The following SNTB1 variants were observed in gnomAD, a reference collection of about 807,000 sequenced individuals.
SNTB1 encodes the protein beta-1-syntrophin.
In SNTB1, 36 loss-of-function variants were observed where a neutral mutation model predicts 48.9. That is an observed-to-expected ratio of 0.74 (90% CI 0.56 to 0.97). The LOEUF (loss-of-function observed/expected upper bound fraction) is 0.97, where lower values mean the gene tolerates loss of function less well. Among genes scored for constraint, SNTB1 ranks in the 50% least tolerant of loss-of-function variants. SNTB1 has a pLI of 0.00. For missense variants in SNTB1, 786 were observed against 703.4 expected (o/e 1.12, Z -1.33); for synonymous variants, 299 against 294.6 (o/e 1.01, Z -0.15).
At chr8:120,794,758 G>C (rs186244318) in intron 1 of SNTB1, among the ~76,000 whole-genome samples, 443 of 151,992 alleles carry the variant, frequency 2.9e-3, no homozygotes, top group Non-Finnish European at 5.2e-3. Context: ...CTAAGCTCTG[G>C]TTCCTCTAAA....
At chr8:120,710,967 C>A (rs1396536531) in intron 1 of SNTB1, among the ~76,000 whole-genome samples, 1 of 152,116 alleles carries the variant, frequency 6.6e-6, no homozygotes, top group Non-Finnish European at 1.5e-5. Flanking sequence ...TCAAAACAAT[C>A]ACCAGAAAAT....
At chr8:120,669,443 G>GTTTTT (rs1182227923) in intron 2 of SNTB1, among the ~76,000 whole-genome samples, 7 of 82,284 alleles carry the variant, frequency 8.5e-5, no homozygotes, top group African/African-American at 4.1e-4. Context: ...GAAAATGCTT[G>GTTTTT]TTTTTTTTTT....
chr8:120,577,970 A>G (rs1291423863), intron 3 of SNTB1, among the ~76,000 whole-genome samples: 1 of 152,228 alleles, frequency 6.6e-6, no homozygotes, highest in Non-Finnish European at 1.5e-5. Flanking sequence ...TTAGAGGTAG[A>G]AGGCTGCCTA....
At chr8:120,579,210 A>G (rs1816003047) in intron 3 of SNTB1, among the ~76,000 whole-genome samples, 1 of 151,022 alleles carries the variant, frequency 6.6e-6, no homozygotes. Context: ...ACAAACAAAC[A>G]AACAAAGAGC....
intron 1 of SNTB1, among the ~76,000 whole-genome samples, chr8:120,745,344 C>CT (rs898671743): frequency 6.6e-6 from 1 of 152,066 alleles, no homozygotes; most frequent in Non-Finnish European, 1.5e-5. Flanking sequence ...TGGGTCACAC[C>CT]TCTACTCCAG....
chr8:120,725,778 T>C (rs1307951693), intron 1 of SNTB1, among the ~76,000 whole-genome samples: 1 of 152,202 alleles, frequency 6.6e-6, no homozygotes, highest in African/African-American at 2.4e-5. Context: ...ACTTTTAAGA[T>C]ACTGTCTAAT....
chr8:120,805,851 A>C (rs1331325614), intron 1 of SNTB1, among the ~76,000 whole-genome samples: 1 of 152,230 alleles, frequency 6.6e-6, no homozygotes, highest in Non-Finnish European at 1.5e-5. Context: ...AGGGCCATTT[A>C]TGAGCATTAA....
In SNTB1 at chr8:120,791,239, T is replaced by G. The variant is rs141975339; in HGVS notation, c.571+20034A>C. Reference sequence around the variant, plus strand: ...AATAAATGTTGATAGGAAAATTGAATGGCCACATGTAGAAGAATGAATCCG... The same window carrying G: ...AATAAATGTTGATAGGAAAATTGAAGGGCCACATGTAGAAGAATGAATCCG... On this transcript the variant is annotated intron_variant, in intron 1 of 6. Transcript: ENST00000517992. 8.6e-3 allele frequency among the ~76,000 whole-genome samples: 1,314 copies of G among 151,918 alleles called. 8 individuals are homozygous for G. The highest frequency in any genetic ancestry group is 0.061 in the Middle Eastern group (18 of 294).
rs186481158 is a variant in SNTB1 at position 120,653,582 on chromosome 8, T to C, written c.789-20931A>G. On this transcript the variant is annotated intron_variant, in intron 2 of 6. Transcript: ENST00000517992. ...CTTTGTTATGCCAATCCTAGAAAAC[T>C]ATTACACAAATACATCATGTAACTA... Among the ~76,000 whole-genome samples the C allele has an allele frequency of 2.2e-3, 342 of 152,280 alleles. 2 individuals carry two copies. Among genetic ancestry groups the C allele is most frequent in the African/African-American group, 8.0e-3 (332 of 41,540 alleles).
chr8:120,755,149 T>TG (rs1259404642), intron 1 of SNTB1, among the ~76,000 whole-genome samples: 1 of 66,216 alleles, frequency 1.5e-5, no homozygotes. Flanking sequence ...GTGTTGTGTG[T>TG]GTGTGTGTGT....
chr8:120,756,374 T>A (rs538435713), intron 1 of SNTB1, among the ~76,000 whole-genome samples: 2 of 152,192 alleles, frequency 1.3e-5, no homozygotes, highest in Admixed American at 1.3e-4. Context: ...GATGGACAGC[T>A]AAGGTGGTAA....
intron 4 of SNTB1, among the ~76,000 whole-genome samples, chr8:120,569,064 G>A (rs1237101878): frequency 1.3e-5 from 2 of 152,106 alleles, no homozygotes; most frequent in African/African-American, 4.8e-5. Context: ...TCACTGCAAT[G>A]CCGCCTCCCA....
At position 120,700,908 on chromosome 8, in the gene SNTB1, A is replaced by G. The variant is rs983493216; in HGVS notation, c.572-7000T>C. On this transcript the variant is annotated intron_variant, in intron 1 of 6. Coordinates refer to ENST00000517992, the MANE Select transcript of SNTB1 (RefSeq NM_021021.4). ...TCTTAAAAATAACAACAAACACAAC[A>G]ACAAAAAAAGAATTTCCAGATTACA... Among the ~76,000 whole-genome samples, 14 of 152,234 alleles carry G rather than the reference A, an allele frequency of 9.2e-5. No individual in the cohort carries two copies. In the South Asian group the frequency reaches 1.2e-3, roughly 14 times the overall value.
At chr8:120,662,267 A>C (rs1460507389) in intron 2 of SNTB1, among the ~76,000 whole-genome samples, 1 of 152,244 alleles carries the variant, frequency 6.6e-6, no homozygotes, top group Non-Finnish European at 1.5e-5. Context: ...AAGGACAAAA[A>C]TCAGAATAAT....
chr8:120,767,015 G>C (rs1052806610), intron 1 of SNTB1, among the ~76,000 whole-genome samples: 3 of 152,108 alleles, frequency 2.0e-5, no homozygotes, highest in Non-Finnish European at 2.9e-5. Flanking sequence ...TCAAAACAAA[G>C]AGTTTAACTA....
intron 1 of SNTB1, among the ~76,000 whole-genome samples, chr8:120,709,393 C>A (rs1315296423): frequency 6.6e-6 from 1 of 152,046 alleles, no homozygotes; most frequent in Non-Finnish European, 1.5e-5. Flanking sequence ...GAGCTGTGGA[C>A]AGAACATCCA....
chr8:120,751,035 T>A (rs1472004690), intron 1 of SNTB1, among the ~76,000 whole-genome samples: 2 of 152,164 alleles, frequency 1.3e-5, no homozygotes. Flanking sequence ...AAGGATTCCA[T>A]CTAATAACTG....
At chr8:120,664,031 A>G (rs892622143) in intron 2 of SNTB1, among the ~76,000 whole-genome samples, 1 of 152,208 alleles carries the variant, frequency 6.6e-6, no homozygotes, top group African/African-American at 2.4e-5. Flanking sequence ...ACAAAGATAA[A>G]TTAGATGTAA....
chr8:120,574,971 A>C, intron 4 of SNTB1, 115 bp downstream of exon 4: 1 of 1,274,618 alleles, frequency 7.8e-7, no homozygotes. Flanking sequence ...ATTCTTAAGG[A>C]GCTCTCAGCC....
Sources: gnomAD v4.1 joint callset for allele counts (sites outside exome capture counted in the v4.1 genomes callset) on GRCh38, gnomAD v4.1.1 for gene constraint, MANE v1.5 for transcripts, NCBI Gene and HGNC (gene_info 2026-07-23, HGNC 2026-07-21) for gene names.